FYB1: variants seen among roughly 807,000 people sequenced by gnomAD.
The protein encoded by FYB1 is FYN-binding protein 1.
FYB1 carries 41 observed loss-of-function variants against 94.1 expected under a neutral mutation model. The ratio of observed to expected loss-of-function variants is 0.44; its 90% confidence interval spans 0.34 to 0.57. The LOEUF (loss-of-function observed/expected upper bound fraction) is 0.57. Among genes scored for constraint, FYB1 ranks in the 20% least tolerant of loss-of-function variants. The probability of loss-of-function intolerance (pLI) is 0.02; values close to 1 mark genes in which losing one functional copy is unlikely to be tolerated. For missense variants in FYB1, 1,050 were observed against 976.8 expected (o/e 1.07, Z -1.00); for synonymous variants, 367 against 353.2 (o/e 1.04, Z -0.44).
chr5:39,121,967 G>T (rs1041306462), intron 14 of FYB1, among the ~76,000 whole-genome samples: 2 of 152,098 alleles, frequency 1.3e-5, no homozygotes, highest in African/African-American at 4.8e-5. Context: ...GAGAGGAGAA[G>T]AATCAGTGAG....
At chr5:39,176,061 C>A (rs1745689967) in intron 2 of FYB1, among the ~76,000 whole-genome samples, 1 of 150,450 alleles carries the variant, frequency 6.6e-6, no homozygotes, top group Admixed American at 6.6e-5. Context: ...TCTACGGGAA[C>A]TCATTCTAGT....
intron 1 of FYB1, among the ~76,000 whole-genome samples, chr5:39,237,714 T>C (rs555658333): frequency 2.9e-4 from 44 of 152,140 alleles, no homozygotes; most frequent in South Asian, 6.2e-4. Context: ...GTGGGAGAAA[T>C]TTGTTTTGAA....
intron 1 of FYB1, among the ~76,000 whole-genome samples, chr5:39,262,723 C>A (rs1752274527): frequency 6.6e-6 from 1 of 151,828 alleles, no homozygotes; most frequent in African/African-American, 2.4e-5. Context: ...AATTACACAG[C>A]AATTCAATAG....
Position 39,214,971 on chromosome 5 carries a change from G to A in FYB1, c.-28+4472C>T, listed in dbSNP as rs181589872. Among the ~76,000 whole-genome samples the A allele has an allele frequency of 1.4e-4, 22 of 152,246 alleles. No homozygotes were observed. The East Asian group carries it at 4.3e-3, about 29-fold the overall frequency. On this transcript the variant is annotated intron_variant, in intron 1 of 18. Coordinates refer to ENST00000512982, the MANE Select transcript of FYB1 (RefSeq NM_001465.6). Reference sequence around the variant, plus strand: ...TGATTTCACTTATATGATGTACCTAGAGTAGTCAAATTCATAAAGGCAGAA... The same window carrying A: ...TGATTTCACTTATATGATGTACCTAAAGTAGTCAAATTCATAAAGGCAGAA...
chr5:39,154,836 C>G (rs1359092436), intron 2 of FYB1, among the ~76,000 whole-genome samples: 3 of 152,204 alleles, frequency 2.0e-5, no homozygotes, highest in African/African-American at 7.2e-5. Context: ...TTGTAATCCA[C>G]CCGCCTTGTC....
intron 16 of FYB1, among the ~76,000 whole-genome samples, chr5:39,114,097 G>A (rs1739314000): frequency 6.6e-6 from 1 of 152,048 alleles, no homozygotes; most frequent in African/African-American, 2.4e-5. Context: ...AAGATCGAAA[G>A]CACCTTTAAA....
chr5:39,124,221 T>C (rs187212349), intron 13 of FYB1, 32 bp downstream of exon 13: 3 of 1,480,774 alleles, frequency 2.0e-6, no homozygotes, highest in Admixed American at 2.1e-5. Flanking sequence ...GAAATGAAGA[T>C]ACAGAACATA....
intron 1 of FYB1, among the ~76,000 whole-genome samples, chr5:39,207,001 A>C (rs1748917335): frequency 6.6e-6 from 1 of 151,936 alleles, no homozygotes; most frequent in South Asian, 2.1e-4. Context: ...TTCAATATTA[A>C]CCCTACTTTT....
rs370915309 is a variant in FYB1 at position 39,247,210 on chromosome 5, A to T, written c.-28+27193T>A. Among the ~76,000 whole-genome samples, 431 of 150,462 alleles carry T rather than the reference A, an allele frequency of 2.9e-3. 2 individuals are homozygous for T. In the Middle Eastern group the frequency reaches 0.031, roughly 11 times the overall value. Reference sequence around the variant, plus strand: ...AATTTAAATAGTCCTCAGAAGGGTGACTGGCAAAGTAGGTCATTTTCTTGC... The same window carrying T: ...AATTTAAATAGTCCTCAGAAGGGTGTCTGGCAAAGTAGGTCATTTTCTTGC... On this transcript the variant is annotated intron_variant, in intron 1 of 1. Transcript: ENST00000510188.
chr5:39,144,225 A>C (rs1473007136), intron 3 of FYB1, among the ~76,000 whole-genome samples: 1 of 152,194 alleles, frequency 6.6e-6, no homozygotes, highest in Non-Finnish European at 1.5e-5. Context: ...TTGAGTGTCA[A>C]TGGCTGCTCA....
At position 39,188,630 on chromosome 5, in the gene FYB1, C is replaced by T. The variant is rs140949078; in HGVS notation, c.1135+13196G>A. On this transcript the variant is annotated intron_variant, in intron 2 of 18. Coordinates refer to ENST00000512982, the MANE Select transcript of FYB1 (RefSeq NM_001465.6). ...TGCGATCTTGGCTCACTGCAACCTC[C>T]GCCTCCGGGGTTCAAGTGACTTTCC... 9.5e-3 allele frequency among the ~76,000 whole-genome samples: 1,431 copies of T among 151,332 alleles called. 32 individuals carry two copies. In the East Asian group the frequency reaches 0.11, roughly 11 times the overall value.
upstream of FYB1, among the ~76,000 whole-genome samples, chr5:39,220,515 A>G (rs747598146): frequency 5.9e-5 from 9 of 152,086 alleles, no homozygotes; most frequent in Non-Finnish European, 1.0e-4. Flanking sequence ...AGAAAAGACA[A>G]GAAAAGAAAA....
At chr5:39,243,015 A>G (rs1412613318) in intron 1 of FYB1, among the ~76,000 whole-genome samples, 1 of 152,178 alleles carries the variant, frequency 6.6e-6, no homozygotes, top group Non-Finnish European at 1.5e-5. Flanking sequence ...AATTTGTTTA[A>G]GTTCATTGTA....
chr5:39,235,738 C>T (rs762481044), intron 1 of FYB1, among the ~76,000 whole-genome samples: 1 of 152,170 alleles, frequency 6.6e-6, no homozygotes, highest in Non-Finnish European at 1.5e-5. Flanking sequence ...CATACGACAA[C>T]TATCAAACAT....
chr5:39,137,692 T>C lies in FYB1; in HGVS notation c.1423A>G (p.Arg475Gly). 2 of 1,547,324 alleles carry C rather than the reference T, an allele frequency of 1.3e-6. No homozygotes were observed. Among genetic ancestry groups the C allele is most frequent in the Non-Finnish European group, 1.7e-6 (2 of 1,143,164 alleles). Residue 475 changes from arginine to glycine, a missense_variant, in exon 7 of 19, where the codon AGG becomes GGG. By Grantham distance (125) the Arg-to-Gly change is moderately radical (BLOSUM62 -2). Transcript: ENST00000512982. ...IEASKEREKK[R>G]EKEEKKRLEL... is the part of the protein sequence containing the mutation. Reference sequence around the variant, plus strand: ...AACCTCTTCTTTTCTTCCTTTTCCCTTTTCTTCTCTCTTTCTTTGGATGCT... The same window carrying C: ...AACCTCTTCTTTTCTTCCTTTTCCCCTTTCTTCTCTCTTTCTTTGGATGCT...
At chr5:39,242,119 T>C (rs986084698) in intron 1 of FYB1, among the ~76,000 whole-genome samples, 2 of 152,124 alleles carry the variant, frequency 1.3e-5, no homozygotes, top group African/African-American at 4.8e-5. Flanking sequence ...CAAAACATTT[T>C]TCAATCTATT....
At chr5:39,171,059 G>T (rs546223545) in intron 2 of FYB1, among the ~76,000 whole-genome samples, 1 of 151,936 alleles carries the variant, frequency 6.6e-6, no homozygotes, top group Non-Finnish European at 1.5e-5. Flanking sequence ...AGGCTGAGGC[G>T]GAGGGGTGAC....
At position 39,231,984 on chromosome 5, in the gene FYB1, A is replaced by G. The variant is rs530089693; in HGVS notation, c.-27-28997T>C. ...AAAAGTGACTGGAAGCATGTTTAAG[A>G]CAGAAGAGAAGCTTCAGGGATACGG... On this transcript the variant is annotated intron_variant, in intron 1 of 1. Coordinates refer to the FYB1 transcript ENST00000510188. Among the ~76,000 whole-genome samples, 8 of 152,288 alleles carry G rather than the reference A, an allele frequency of 5.3e-5. No homozygotes were observed. In the South Asian group the frequency reaches 1.7e-3, roughly 32 times the overall value.
chr5:39,142,758 C>T (rs1054012465), intron 3 of FYB1, among the ~76,000 whole-genome samples: 3 of 152,192 alleles, frequency 2.0e-5, no homozygotes, highest in African/African-American at 7.2e-5. Context: ...AATCTTTCCC[C>T]TATTGCCACT....
Sources: gnomAD v4.1 joint callset for allele counts (sites outside exome capture counted in the v4.1 genomes callset) on GRCh38, gnomAD v4.1.1 for gene constraint, MANE v1.5 for transcripts, NCBI Gene and HGNC (gene_info 2026-07-23, HGNC 2026-07-21) for gene names.